The following PPM1L variants were observed in gnomAD, a reference collection of about 807,000 sequenced individuals.
PPM1L encodes the protein protein phosphatase, Mg2+/Mn2+ dependent 1L.
PPM1L carries 13 observed loss-of-function variants against 31.4 expected under a neutral mutation model. The ratio of observed to expected loss-of-function variants is 0.41; its 90% CI spans 0.27 to 0.66. The LOEUF is 0.66. Ranked by LOEUF, PPM1L falls within the 30% of genes least tolerant of loss-of-function variation. The pLI, the probability that PPM1L is intolerant of heterozygous loss-of-function variation, is 0.29. For synonymous variants in PPM1L, 184 were observed against 175.4 expected (o/e 1.05, Z -0.39); for missense variants, 326 against 453.7 (o/e 0.72, Z 2.56).
At chr3:161,030,384 G>A (rs1718530052) in intron 2 of PPM1L, among the ~76,000 whole-genome samples, 1 of 152,068 alleles carries the variant, frequency 6.6e-6, no homozygotes, top group African/African-American at 2.4e-5. Context: ...CACCATGAGA[G>A]GATGCCATAA....
intron 2 of PPM1L, among the ~76,000 whole-genome samples, chr3:160,965,850 TAAATC>T (rs1716125151): frequency 6.6e-6 from 1 of 152,148 alleles, no homozygotes; most frequent in African/African-American, 2.4e-5. Context: ...CCTTCACTGA[TAAATC>T]AGCCTGAGTG....
intron 1 of PPM1L, among the ~76,000 whole-genome samples, chr3:160,786,433 G>T (rs1191616587): frequency 1.3e-5 from 2 of 150,606 alleles, no homozygotes; most frequent in African/African-American, 4.9e-5. Context: ...GGCCCGGCTG[G>T]TCTCGAACTC....
intron 1 of PPM1L, among the ~76,000 whole-genome samples, chr3:160,895,162 G>A (rs940725047): frequency 1.3e-5 from 2 of 152,120 alleles, no homozygotes; most frequent in African/African-American, 4.8e-5. Context: ...ACTTGCCATT[G>A]GAAGACCTGG....
At chr3:161,065,014 C>G (rs1015204782) in intron 2 of PPM1L, among the ~76,000 whole-genome samples, 1 of 151,964 alleles carries the variant, frequency 6.6e-6, no homozygotes, top group African/African-American at 2.4e-5. Context: ...CCCCATCCTT[C>G]CCACTTCCAA....
At chr3:160,804,178 C>T (rs973749527) in intron 1 of PPM1L, among the ~76,000 whole-genome samples, 1 of 152,052 alleles carries the variant, frequency 6.6e-6, no homozygotes, top group Non-Finnish European at 1.5e-5. Flanking sequence ...GTGATCCGCC[C>T]ACCTCAGCCT....
chr3:160,849,157 G>C (rs192905347), intron 1 of PPM1L, among the ~76,000 whole-genome samples: 5 of 152,256 alleles, frequency 3.3e-5, no homozygotes, highest in Admixed American at 3.3e-4. Flanking sequence ...GGCATTTCCA[G>C]AAGCACTCTG....
intron 1 of PPM1L, among the ~76,000 whole-genome samples, chr3:160,870,891 G>A (rs555769200): frequency 1.7e-4 from 26 of 152,248 alleles, no homozygotes; most frequent in African/African-American, 5.1e-4. Context: ...AAGAGAAGAC[G>A]GCTGTGTGGG....
intron 1 of PPM1L, among the ~76,000 whole-genome samples, chr3:160,775,614 G>A (rs1007923427): frequency 7.9e-5 from 12 of 152,150 alleles, no homozygotes; most frequent in Non-Finnish European, 1.5e-4. Flanking sequence ...CTGGTGTGAG[G>A]CAAGAAGTTT....
Position 161,065,562 on chromosome 3 carries a change from C to A in PPM1L, c.734C>A (p.Ala245Glu). Residue 245 changes from alanine (A) to glutamate (E), a missense_variant and splice_region_variant, in exon 3 of 4, where the codon GCA becomes GAA. Ala to Glu is a moderately radical substitution (Grantham distance 107, BLOSUM62 -1). This residue lies in a region of PPM1L where 201 missense variants were observed against 298.2 expected (regional missense o/e 0.67). Coordinates refer to ENST00000498165, the MANE Select transcript of PPM1L (RefSeq NM_139245.4). ...AAGGAAAGAAAGAGGATAAAGAGAG[C>A]AGGTGAGCTTGTGAACACCTCCAAG... is the stretch of plus-strand genomic sequence containing the variant. Reference protein sequence around the residue: ...QLKERKRIKRAGGFISFNGSW... With the variant: ...QLKERKRIKREGGFISFNGSW... 1 of 1,612,934 alleles carries A rather than the reference C, an allele frequency of 6.2e-7. No individual in the cohort carries two copies. Among genetic ancestry groups the A allele is most frequent in the Non-Finnish European group, 8.5e-7 (1 of 1,179,196 alleles).
In PPM1L at chr3:160,968,036, G is replaced by GTACC. The variant is rs1716212244; in HGVS notation, c.574+6129_574+6132dup. ...TTCTCCTTACACAGCCACATAATTT[G>GTACC]TACCTAATTTCTGACCAAAAGAAGA... On this transcript the variant is annotated intron_variant, in intron 2 of 3. Coordinates refer to ENST00000498165, the MANE Select transcript of PPM1L (RefSeq NM_139245.4). Among the ~76,000 whole-genome samples, 10 of 151,866 alleles carry GTACC rather than the reference G, an allele frequency of 6.6e-5. No homozygotes were observed. The Admixed American group carries it at 6.6e-4, about 10-fold the overall frequency.
chr3:160,759,658 A>G (rs912631773), intron 1 of PPM1L, among the ~76,000 whole-genome samples: 1 of 152,124 alleles, frequency 6.6e-6, no homozygotes, highest in African/African-American at 2.4e-5. Flanking sequence ...ACCAAAAATT[A>G]TAGTCATGGT....
chr3:160,946,474 T>C (rs1360730115), intron 1 of PPM1L, among the ~76,000 whole-genome samples: 1 of 152,188 alleles, frequency 6.6e-6, no homozygotes, highest in Non-Finnish European at 1.5e-5. Context: ...TACTTCTGAT[T>C]TCTCCAGCCC....
chr3:161,010,900 T>G (rs1717871204), intron 2 of PPM1L, among the ~76,000 whole-genome samples: 1 of 152,240 alleles, frequency 6.6e-6, no homozygotes, highest in South Asian at 2.1e-4. Context: ...GAGTTCTTTG[T>G]AGATTCTGGA....
At chr3:160,919,077 G>A (rs1714295537) in intron 1 of PPM1L, among the ~76,000 whole-genome samples, 1 of 152,188 alleles carries the variant, frequency 6.6e-6, no homozygotes, top group Non-Finnish European at 1.5e-5. Flanking sequence ...CTGGGATAAT[G>A]TCTTTGAAAT....
At chr3:160,946,383 A>G (rs1363063472) in intron 1 of PPM1L, among the ~76,000 whole-genome samples, 2 of 152,182 alleles carry the variant, frequency 1.3e-5, no homozygotes, top group African/African-American at 2.4e-5. Context: ...CCTGGTACAT[A>G]GTAAATACTG....
At chr3:160,836,966 C>T (rs953466752) in intron 1 of PPM1L, among the ~76,000 whole-genome samples, 1 of 152,186 alleles carries the variant, frequency 6.6e-6, no homozygotes, top group African/African-American at 2.4e-5. Flanking sequence ...TCTTAAAAAT[C>T]AATTATCTTG....
chr3:160,910,290 T>C, intron 1 of PPM1L, among the ~76,000 whole-genome samples: 1 of 118,018 alleles, frequency 8.5e-6, no homozygotes, highest in Non-Finnish European at 1.7e-5. Context: ...CCCTTTCCCC[T>C]TCCCCGTTCC....
intron 1 of PPM1L, among the ~76,000 whole-genome samples, chr3:160,810,788 T>G (rs1712781327): frequency 6.6e-6 from 1 of 152,214 alleles, no homozygotes; most frequent in Non-Finnish European, 1.5e-5. Context: ...TGAATGTCGT[T>G]TAAAATGCTC....
intron 2 of PPM1L, among the ~76,000 whole-genome samples, chr3:160,967,699 G>C (rs1716200715): frequency 6.6e-6 from 1 of 151,902 alleles, no homozygotes; most frequent in Admixed American, 6.6e-5. Context: ...TCATTCAAAT[G>C]GTTTATATTT....
Sources: gnomAD v4.1 joint callset for allele counts (sites outside exome capture counted in the v4.1 genomes callset) on GRCh38, gnomAD v4.1.1 for gene constraint, gnomAD v4.1.1 regional missense constraint, MANE v1.5 for transcripts, NCBI Gene and HGNC (gene_info 2026-07-23, HGNC 2026-07-21) for gene names.